The following KCNMA1 variants were observed in gnomAD, a reference collection of about 807,000 sequenced individuals.
The protein encoded by KCNMA1 is potassium calcium-activated channel subfamily M alpha 1.
In KCNMA1, 29 loss-of-function variants were observed where a neutral mutation model predicts 140.0. That is an observed-to-expected ratio of 0.21 (90% CI 0.15 to 0.28). KCNMA1 has a LOEUF of 0.28. Ranked by LOEUF, KCNMA1 falls within the 10% of genes least tolerant of loss-of-function variation. The pLI, the probability that KCNMA1 is intolerant of heterozygous loss-of-function variation, is 1.00. For synonymous variants in KCNMA1, 612 were observed against 611.9 expected, an observed-to-expected ratio of 1.00 and a Z score of 0.00; for missense variants, 880 against 1,602.2, an observed-to-expected ratio of 0.55 and a Z score of 7.70.
At chr10:77,242,902 ACACACACACAC>A (rs2057639365) in intron 3 of KCNMA1, among the ~76,000 whole-genome samples, 1 of 127,844 alleles carries the variant, frequency 7.8e-6, no homozygotes, top group East Asian at 2.0e-4. Context: ...TGTTTCCTAC[ACACACACACAC>A]ACACACACAC....
intron 5 of KCNMA1, among the ~76,000 whole-genome samples, chr10:77,122,457 C>T (rs2097632619): frequency 6.6e-6 from 1 of 151,822 alleles, no homozygotes; most frequent in South Asian, 2.1e-4. Flanking sequence ...TGTAACTGAG[C>T]TGATGAAAGG....
intron 14 of KCNMA1, among the ~76,000 whole-genome samples, chr10:77,048,398 C>T (rs11001989): frequency 0.082 from 12,429 of 152,196 alleles, 649 homozygotes; most frequent in Non-Finnish European, 0.12. Context: ...CCCATAATTT[C>T]CCCTGCTTCA....
chr10:77,376,868 G>T (rs2095142742), intron 2 of KCNMA1, among the ~76,000 whole-genome samples: 2 of 152,086 alleles, frequency 1.3e-5, no homozygotes, highest in African/African-American at 2.4e-5. Flanking sequence ...AACCCAAGAG[G>T]CAGAGGTTGT....
At chr10:77,546,716 G>A (rs370269353) in intron 1 of KCNMA1, among the ~76,000 whole-genome samples, 103 of 152,342 alleles carry the variant, frequency 6.8e-4, no homozygotes, top group African/African-American at 2.3e-3. Flanking sequence ...TCCCCTTCAG[G>A]CCTCCTTTCC....
chr10:77,238,567 A>G (rs572571493), intron 3 of KCNMA1, among the ~76,000 whole-genome samples: 1 of 152,202 alleles, frequency 6.6e-6, no homozygotes, highest in Non-Finnish European at 1.5e-5. Context: ...ATCACCTGTC[A>G]TTGTTGAGAT....
chr10:77,581,002 G>T (rs2075709704), intron 1 of KCNMA1, among the ~76,000 whole-genome samples: 2 of 152,162 alleles, frequency 1.3e-5, no homozygotes, highest in East Asian at 1.9e-4. Context: ...CATCATACAG[G>T]TCCCCACACC....
At chr10:76,869,657 T>A (rs2030817217) in exon 28 of KCNMA1, 1 of 152,638 alleles carries the variant, frequency 6.6e-6, no homozygotes, top group Non-Finnish European at 1.5e-5. Context: ...AATGAAACCA[T>A]GTACAAGTTA....
intron 1 of KCNMA1, among the ~76,000 whole-genome samples, chr10:77,602,733 C>T (rs771270688): frequency 7.2e-5 from 11 of 152,244 alleles, no homozygotes; most frequent in East Asian, 5.8e-4. Flanking sequence ...GCACCCCACA[C>T]GGGCATTTGT....
intron 1 of KCNMA1, among the ~76,000 whole-genome samples, chr10:77,481,541 G>A (rs377477987): frequency 2.0e-5 from 3 of 152,052 alleles, no homozygotes; most frequent in Non-Finnish European, 2.9e-5. Context: ...TTGGGAGGCC[G>A]AGACGGGCGG....
At chr10:77,241,972 C>A (rs2057378352) in intron 3 of KCNMA1, among the ~76,000 whole-genome samples, 1 of 152,196 alleles carries the variant, frequency 6.6e-6, no homozygotes, top group South Asian at 2.1e-4. Context: ...CAGCACGGAG[C>A]TGGAGGCAAA....
At chr10:77,343,718 G>A (rs2091526251) in intron 2 of KCNMA1, among the ~76,000 whole-genome samples, 1 of 152,154 alleles carries the variant, frequency 6.6e-6, no homozygotes, top group African/African-American at 2.4e-5. Flanking sequence ...AAACCAAGAG[G>A]TCATAGTGTC....
chr10:77,391,423 G>A (rs1364017542), intron 2 of KCNMA1, among the ~76,000 whole-genome samples: 1 of 152,188 alleles, frequency 6.6e-6, no homozygotes, highest in Non-Finnish European at 1.5e-5. Context: ...CAAAAAGATA[G>A]CCTTGGTGCT....
At chr10:76,946,946 T>C (rs909756664) in intron 22 of KCNMA1, among the ~76,000 whole-genome samples, 1 of 152,214 alleles carries the variant, frequency 6.6e-6, no homozygotes, top group East Asian at 1.9e-4. Context: ...TGAAAATCTA[T>C]TGTGCTTGAG....
At chr10:77,089,817 G>C (rs1212040922) in intron 10 of KCNMA1, among the ~76,000 whole-genome samples, 1 of 152,214 alleles carries the variant, frequency 6.6e-6, no homozygotes, top group Non-Finnish European at 1.5e-5. Context: ...GTAGTTGGTT[G>C]AGTCAGGATT....
intron 1 of KCNMA1, among the ~76,000 whole-genome samples, chr10:77,608,186 T>C (rs761394811): frequency 2.0e-4 from 30 of 151,920 alleles, no homozygotes; most frequent in Admixed American, 4.6e-4. Flanking sequence ...CATTTCTTTT[T>C]TTTGGAGACA....
At chr10:77,336,585 C>T (rs1013314023) in intron 2 of KCNMA1, among the ~76,000 whole-genome samples, 9 of 152,136 alleles carry the variant, frequency 5.9e-5, no homozygotes, top group African/African-American at 9.7e-5. Flanking sequence ...ATTAAAAAGT[C>T]GATGCACAAG....
chr10:76,998,844 T>G (rs975675880), intron 19 of KCNMA1, among the ~76,000 whole-genome samples: 1 of 152,214 alleles, frequency 6.6e-6, no homozygotes, highest in African/African-American at 2.4e-5. Context: ...GAAGGGCTTA[T>G]GCAGGCCCAA....
rs550832842 is a variant in KCNMA1, at chr10:77,462,086, G to A, written c.379-58063C>T. 4.7e-5 allele frequency among the ~76,000 whole-genome samples: 7 copies of A among 150,266 alleles called. No homozygotes were observed. The South Asian group carries it at 6.4e-4, about 14-fold the overall frequency. ...CACAGACACACATACACATACACACGGACACGGACACACACAGAAACATGC... is the reference window on the plus strand; with the variant it reads ...CACAGACACACATACACATACACACAGACACGGACACACACAGAAACATGC... On this transcript the variant is annotated intron_variant, in intron 1 of 27. Coordinates refer to ENST00000286628, the MANE Select transcript of KCNMA1 (RefSeq NM_001161352.2).
chr10:77,541,722 GT>G (rs2154555097), intron 1 of KCNMA1, among the ~76,000 whole-genome samples: 1 of 152,310 alleles, frequency 6.6e-6, no homozygotes, highest in Non-Finnish European at 1.5e-5. Context: ...CTGGTTCTCA[GT>G]CTTGGAAGCA....
Sources: gnomAD v4.1 joint callset for allele counts (sites outside exome capture counted in the v4.1 genomes callset) on GRCh38, gnomAD v4.1.1 for gene constraint, MANE v1.5 for transcripts, NCBI Gene and HGNC (gene_info 2026-07-23, HGNC 2026-07-21) for gene names.